Variants in DSCAM observed in about 807,000 individuals in gnomAD.
The protein encoded by DSCAM is DS cell adhesion molecule, also known as cell adhesion molecule DSCAM.
Under a neutral mutation model 217.7 loss-of-function variants are expected in DSCAM, and 47 were observed. That is an observed-to-expected ratio of 0.22 (90% CI 0.17 to 0.28). DSCAM has a LOEUF of 0.28. Among genes scored for constraint, DSCAM ranks in the 10% least tolerant of loss-of-function variants. DSCAM has a pLI of 1.00. For missense variants in DSCAM, 2,080 were observed against 2,618.3 expected (o/e 0.79, Z 4.49); for synonymous variants, 1,056 against 1,015.3 (o/e 1.04, Z -0.76).
chr21:40,793,647 T>C (rs1425103242), intron 1 of DSCAM, among the ~76,000 whole-genome samples: 2 of 152,012 alleles, frequency 1.3e-5, no homozygotes, highest in African/African-American at 4.8e-5. Context: ...CACGCCACCA[T>C]GGCTGGCTAA....
At chr21:40,465,258 A>G (rs955760911) in intron 3 of DSCAM, among the ~76,000 whole-genome samples, 1 of 152,110 alleles carries the variant, frequency 6.6e-6, no homozygotes, top group Non-Finnish European at 1.5e-5. Flanking sequence ...CACGAAACAC[A>G]TGAAATGCTT....
chr21:40,230,769 T>C (rs909658959), intron 11 of DSCAM, among the ~76,000 whole-genome samples: 5 of 152,204 alleles, frequency 3.3e-5, no homozygotes, highest in African/African-American at 7.2e-5. Context: ...GCTATCTTTC[T>C]GCTATTGGCT....
intron 11 of DSCAM, among the ~76,000 whole-genome samples, chr21:40,245,344 C>A (rs1218139242): frequency 6.6e-6 from 1 of 152,188 alleles, no homozygotes; most frequent in Non-Finnish European, 1.5e-5. Flanking sequence ...CTAACAAGGG[C>A]AAGTCCTCGT....
At chr21:40,019,626 A>G (rs1169984039) in intron 32 of DSCAM, among the ~76,000 whole-genome samples, 1 of 152,182 alleles carries the variant, frequency 6.6e-6, no homozygotes, top group Non-Finnish European at 1.5e-5. Context: ...GAAAAGTAGC[A>G]GGGATCCAGA....
chr21:40,731,636 C>T (rs561277318), intron 1 of DSCAM, among the ~76,000 whole-genome samples: 14 of 151,796 alleles, frequency 9.2e-5, no homozygotes, highest in African/African-American at 2.9e-4. Flanking sequence ...TGTGTGTGTC[C>T]TAATTTCCTC....
intron 11 of DSCAM, among the ~76,000 whole-genome samples, chr21:40,200,002 C>T (rs1166717202): frequency 6.8e-6 from 1 of 146,624 alleles, no homozygotes; most frequent in Admixed American, 6.8e-5. Context: ...CGAATACTTG[C>T]TGTCCTCAGG....
At chr21:40,128,699 C>CCAAA (rs2090122214) in intron 19 of DSCAM, among the ~76,000 whole-genome samples, 1 of 89,048 alleles carries the variant, frequency 1.1e-5, no homozygotes, top group African/African-American at 3.7e-5. Flanking sequence ...CATAACCAAA[C>CCAAA]AAAAAAAAAA....
At chr21:40,199,915 A>T (rs2091052400) in intron 11 of DSCAM, among the ~76,000 whole-genome samples, 1 of 151,768 alleles carries the variant, frequency 6.6e-6, no homozygotes, top group Non-Finnish European at 1.5e-5. Context: ...CATTCTGCAC[A>T]TGTATTCTGG....
At chr21:40,831,536 C>T (rs1450285151) in intron 1 of DSCAM, among the ~76,000 whole-genome samples, 3 of 152,192 alleles carry the variant, frequency 2.0e-5, no homozygotes, top group African/African-American at 7.2e-5. Context: ...CAATTTCAGC[C>T]TCCAATTAGC....
At chr21:40,142,320 A>G (rs558547721) in intron 18 of DSCAM, among the ~76,000 whole-genome samples, 1 of 152,336 alleles carries the variant, frequency 6.6e-6, no homozygotes, top group South Asian at 2.1e-4. Flanking sequence ...ATCCATGTTG[A>G]AATTTCCCAA....
chr21:40,682,605 A>AAGAGAGAGAGAGAGAAAGAG (rs1225539071), intron 3 of DSCAM, among the ~76,000 whole-genome samples: 987 of 39,608 alleles, frequency 0.025, 39 homozygotes, highest in African/African-American at 0.083. Flanking sequence ...GAAAGAGAGA[A>AAGAGAGAGAGAGAGAAAGAG]AGAAAGAAAG....
chr21:40,555,086 T>C (rs1197747884), intron 3 of DSCAM, among the ~76,000 whole-genome samples: 1 of 152,206 alleles, frequency 6.6e-6, no homozygotes, highest in Non-Finnish European at 1.5e-5. Flanking sequence ...ATCTTTATAG[T>C]TTATACATGA....
intron 3 of DSCAM, among the ~76,000 whole-genome samples, chr21:40,567,500 T>G (rs924280735): frequency 6.6e-6 from 1 of 151,932 alleles, no homozygotes; most frequent in Non-Finnish European, 1.5e-5. Flanking sequence ...CTGCAGCCGT[T>G]TTTTATTAGT....
intron 1 of DSCAM, among the ~76,000 whole-genome samples, chr21:40,813,383 G>A (rs200840289): frequency 6.6e-6 from 1 of 152,130 alleles, no homozygotes; most frequent in East Asian, 1.9e-4. Context: ...CTAGTTCCTT[G>A]AGGTCTGACA....
chr21:40,088,130 G>A (rs1036082248), intron 21 of DSCAM, among the ~76,000 whole-genome samples: 2 of 152,122 alleles, frequency 1.3e-5, no homozygotes, highest in African/African-American at 4.8e-5. Context: ...GGCTTCTCCT[G>A]TCCTTTGTTT....
intron 20 of DSCAM, among the ~76,000 whole-genome samples, chr21:40,107,565 T>C (rs1192483845): frequency 6.6e-6 from 1 of 152,116 alleles, no homozygotes; most frequent in East Asian, 1.9e-4. Context: ...TTGTTAATTT[T>C]TTGTCTCAAT....
At chr21:40,824,391 T>C (rs1044574548) in intron 1 of DSCAM, among the ~76,000 whole-genome samples, 10 of 146,558 alleles carry the variant, frequency 6.8e-5, no homozygotes, top group African/African-American at 2.6e-4. Flanking sequence ...CCCTATCCCA[T>C]TTTTATTATT....
chr21:40,528,191 T>C (rs1278050658), intron 3 of DSCAM, among the ~76,000 whole-genome samples: 2 of 152,168 alleles, frequency 1.3e-5, no homozygotes, highest in Non-Finnish European at 2.9e-5. Flanking sequence ...TCCTGACCCA[T>C]ATTTAATGGT....
chr21:40,120,658 ATC>A (rs1045538523), intron 20 of DSCAM, among the ~76,000 whole-genome samples: 4 of 152,154 alleles, frequency 2.6e-5, no homozygotes, highest in Non-Finnish European at 5.9e-5. Flanking sequence ...TGCAGTTTGA[ATC>A]TCTGATTGGG....
Sources: allele counts gnomAD v4.1 joint callset (sites outside exome capture counted in the v4.1 genomes callset), GRCh38; gene constraint gnomAD v4.1.1; transcripts MANE v1.5; gene names NCBI Gene and HGNC (gene_info 2026-07-23, HGNC 2026-07-21).